SPATA13: variants seen among roughly 807,000 people sequenced by gnomAD.
SPATA13 encodes the protein spermatogenesis associated 13, also known as spermatogenesis-associated protein 13.
Under a neutral mutation model 104.0 loss-of-function variants are expected in SPATA13, and 50 were observed. The ratio of observed to expected loss-of-function variants is 0.48; its 90% confidence interval spans 0.38 to 0.61. SPATA13 has a LOEUF of 0.61. Among genes scored for constraint, SPATA13 ranks in the 20% least tolerant of loss-of-function variants. SPATA13 has a pLI of 0.00. For missense variants in SPATA13, 1,524 were observed against 1,690.6 expected, an observed-to-expected ratio of 0.90 and a Z score of 1.73; for synonymous variants, 606 against 667.5, an observed-to-expected ratio of 0.91 and a Z score of 1.42.
chr13:24,200,181 G>C (rs1870316501), intron 1 of SPATA13, among the ~76,000 whole-genome samples: 2 of 152,128 alleles, frequency 1.3e-5, no homozygotes, highest in South Asian at 2.1e-4. Context: ...TTCTGCCTTT[G>C]TTTAGATGTG....
chr13:24,228,347 C>T (rs1872072421), intron 2 of SPATA13, among the ~76,000 whole-genome samples: 1 of 151,542 alleles, frequency 6.6e-6, no homozygotes, highest in Non-Finnish European at 1.5e-5. Flanking sequence ...GATCTCCTGA[C>T]CTCGTGATCT....
At chr13:24,080,076 G>A (rs1424070048) in intron 3 of SPATA13, among the ~76,000 whole-genome samples, 3 of 152,250 alleles carry the variant, frequency 2.0e-5, no homozygotes, top group Non-Finnish European at 4.4e-5. Flanking sequence ...CCCAGCTGGA[G>A]AAGTGAGAAA....
At chr13:24,238,887 A>G (rs201664859) in intron 2 of SPATA13, among the ~76,000 whole-genome samples, 21 of 152,294 alleles carry the variant, frequency 1.4e-4, no homozygotes, top group East Asian at 1.2e-3. Flanking sequence ...TGTATTCCTC[A>G]GTGAAAATAA....
intron 2 of SPATA13, among the ~76,000 whole-genome samples, chr13:24,014,327 G>A (rs748566948): frequency 2.0e-5 from 3 of 152,106 alleles, no homozygotes; most frequent in Admixed American, 6.5e-5. Flanking sequence ...CAACTCGGGG[G>A]CACCAACACA....
intron 2 of SPATA13, among the ~76,000 whole-genome samples, chr13:23,990,018 G>C (rs564072322): frequency 6.6e-6 from 1 of 152,278 alleles, no homozygotes; most frequent in Non-Finnish European, 1.5e-5. Context: ...AAGCCACCCA[G>C]GTTATGGTAT....
intron 1 of SPATA13, among the ~76,000 whole-genome samples, chr13:24,172,449 G>A (rs1345804651): frequency 6.6e-6 from 1 of 152,058 alleles, no homozygotes; most frequent in African/African-American, 2.4e-5. Flanking sequence ...GATCCTGAAG[G>A]TTTTCTTTTG....
rs193130201 is a variant in SPATA13, at chr13:24,291,877, C to T, written c.3080+993C>T. The stretch of plus-strand genomic sequence containing the variant: ...GTTCACGCCATTCTCCTGCCTCAGC[C>T]TCCCGAGTAGCTGGGACTACAGGCG... On this transcript the variant is annotated intron_variant, in intron 9 of 12. Transcript: ENST00000382108. Among the ~76,000 whole-genome samples, 5 of 151,346 alleles carry T rather than the reference C, an allele frequency of 3.3e-5. No individual in the cohort carries two copies. The East Asian group carries it at 9.7e-4, about 29-fold the overall frequency.
chr13:24,050,500 G>T (rs1405324203), intron 3 of SPATA13, among the ~76,000 whole-genome samples: 1 of 152,138 alleles, frequency 6.6e-6, no homozygotes, highest in East Asian at 1.9e-4. Context: ...CATAGCTTAG[G>T]GGCCACTGTC....
At chr13:24,221,476 T>G (rs1871582787) in intron 1 of SPATA13, among the ~76,000 whole-genome samples, 1 of 138,718 alleles carries the variant, frequency 7.2e-6, no homozygotes, top group Non-Finnish European at 1.6e-5. Flanking sequence ...TGGGAAAGGT[T>G]AAGGGGGAGC....
At chr13:24,288,057 C>G (rs765280037) in intron 7 of SPATA13, among the ~76,000 whole-genome samples, 2 of 152,108 alleles carry the variant, frequency 1.3e-5, no homozygotes, top group Non-Finnish European at 2.9e-5. Flanking sequence ...GAGTGTGTGG[C>G]GAAAGAAGCA....
intron 3 of SPATA13, among the ~76,000 whole-genome samples, chr13:24,102,720 C>T (rs1395527071): frequency 6.6e-6 from 1 of 152,176 alleles, no homozygotes; most frequent in African/African-American, 2.4e-5. Flanking sequence ...GTGATCCACC[C>T]ACCTCAGCCT....
intron 1 of SPATA13, among the ~76,000 whole-genome samples, chr13:24,179,168 C>T (rs938614171): frequency 6.6e-6 from 1 of 152,166 alleles, no homozygotes; most frequent in Non-Finnish European, 1.5e-5. Flanking sequence ...TGTATGTATT[C>T]ATTCATCAGT....
intron 1 of SPATA13, among the ~76,000 whole-genome samples, chr13:24,219,459 C>T (rs1214656758): frequency 6.6e-6 from 1 of 152,218 alleles, no homozygotes; most frequent in Non-Finnish European, 1.5e-5. Context: ...TCAACTTCTT[C>T]ACTCTATAAA....
chr13:24,129,826 T>C (rs1330019976), intron 3 of SPATA13, among the ~76,000 whole-genome samples: 10 of 152,228 alleles, frequency 6.6e-5, no homozygotes, highest in Admixed American at 5.9e-4. Flanking sequence ...CTGTTGTGCC[T>C]GTTGTCCGTG....
intron 1 of SPATA13, among the ~76,000 whole-genome samples, chr13:24,211,746 T>A (rs1487109369): frequency 6.6e-6 from 1 of 152,082 alleles, no homozygotes; most frequent in African/African-American, 2.4e-5. Context: ...TGATGGCCTC[T>A]GCTGCCAGAA....
At chr13:24,294,906 G>T (rs763597089) in intron 10 of SPATA13, 38 bp downstream of exon 10, 4 of 1,582,354 alleles carry the variant, frequency 2.5e-6, no homozygotes, top group Non-Finnish European at 3.5e-6. Context: ...CATGCCACTC[G>T]CCCTTCCCGC....
rs77593726 is a variant in SPATA13 at position 24,234,435 on chromosome 13, T to C, written c.1653+9853T>C. The stretch of plus-strand genomic sequence containing the variant: ...ACGTTTTTCTCCTCTTCTATATTTC[T>C]CTTCTTGAACTTCTCTATAACAATT... On this transcript the variant is annotated intron_variant, in intron 2 of 12. Transcript: ENST00000382108. Among the ~76,000 whole-genome samples the C allele has an allele frequency of 2.7e-4, 41 of 152,260 alleles. No individual in the cohort carries two copies. The East Asian group carries it at 7.9e-3, about 29-fold the overall frequency.
chr13:24,087,603 A>G (rs1425505580), intron 3 of SPATA13, among the ~76,000 whole-genome samples: 1 of 152,216 alleles, frequency 6.6e-6, no homozygotes, highest in Non-Finnish European at 1.5e-5. Context: ...GTCAGTGAAC[A>G]GTGGGGCGAA....
intron 1 of SPATA13, among the ~76,000 whole-genome samples, chr13:24,188,250 A>G (rs1869283949): frequency 1.3e-5 from 2 of 152,032 alleles, no homozygotes. Flanking sequence ...CTGAGGCAGG[A>G]GAATCAGTTG....
Sources: allele counts gnomAD v4.1 joint callset (sites outside exome capture counted in the v4.1 genomes callset), GRCh38; gene constraint gnomAD v4.1.1; transcripts MANE v1.5; gene names NCBI Gene and HGNC (gene_info 2026-07-23, HGNC 2026-07-21).